Variants in CHMP3 observed in about 807,000 individuals in gnomAD.
CHMP3 encodes the protein charged multivesicular body protein 3, also known as 25.1 protein.
A neutral mutation model predicts 27.4 loss-of-function variants in CHMP3; 8 were observed. That is an observed-to-expected ratio of 0.29 (90% CI 0.17 to 0.53). CHMP3 has a LOEUF of 0.53. CHMP3 is among the 20% of genes least tolerant of loss of function. The pLI is 0.96. For synonymous variants in CHMP3, 86 were observed against 85.5 expected, an observed-to-expected ratio of 1.01 and a Z score of -0.03; for missense variants, 208 against 271.5, an observed-to-expected ratio of 0.77 and a Z score of 1.64.
chr2:86,549,045 G>A (rs577881705), intron 1 of CHMP3, among the ~76,000 whole-genome samples: 39 of 150,084 alleles, frequency 2.6e-4, no homozygotes, highest in African/African-American at 8.1e-4. Flanking sequence ...AAGGGCAGCC[G>A]GGCAGAGGCG....
chr2:86,508,963 G>A (rs918978655), intron 4 of CHMP3, among the ~76,000 whole-genome samples: 12 of 152,292 alleles, frequency 7.9e-5, no homozygotes, highest in African/African-American at 2.9e-4. Flanking sequence ...CACTCTGGAG[G>A]TAGAAGTTGT....
intron 3 of CHMP3, among the ~76,000 whole-genome samples, chr2:86,528,858 T>C (rs1484685007): frequency 6.6e-6 from 1 of 152,168 alleles, no homozygotes; most frequent in African/African-American, 2.4e-5. Context: ...TGTAACATTT[T>C]GCCTGGGGCT....
intron 2 of CHMP3, 50 bp from the exon 3 acceptor site, chr2:86,529,447 G>A: frequency 2.0e-6 from 3 of 1,489,052 alleles, no homozygotes; most frequent in East Asian, 2.4e-5. Flanking sequence ...AGGTTTATTG[G>A]CACTCAAATA....
At chr2:86,536,328 T>G (rs1676140928) in intron 2 of CHMP3, among the ~76,000 whole-genome samples, 1 of 152,230 alleles carries the variant, frequency 6.6e-6, no homozygotes, top group Admixed American at 6.5e-5. Flanking sequence ...TGAATCTACC[T>G]TTAATGGAGA....
chr2:86,542,425 C>A (rs1676403374), intron 1 of CHMP3, 113 bp from the exon 2 acceptor site: 6 of 1,091,056 alleles, frequency 5.5e-6, no homozygotes, highest in African/African-American at 1.6e-5. Context: ...ATTTAAAAAG[C>A]CATTTTCAAA....
At chr2:86,550,640 T>A (rs79538304) in intron 1 of CHMP3, among the ~76,000 whole-genome samples, 5,989 of 152,324 alleles carry the variant, frequency 0.039, 171 homozygotes, top group African/African-American at 0.078. Flanking sequence ...AGGCATTTAC[T>A]TATTTTTTAA....
At chr2:86,548,011 G>A (rs1161647038) in intron 1 of CHMP3, among the ~76,000 whole-genome samples, 1 of 152,134 alleles carries the variant, frequency 6.6e-6, no homozygotes, top group African/African-American at 2.4e-5. Context: ...GAACAATGCT[G>A]AGAGACAGCT....
chr2:86,526,676 C>CTA (rs1166027396), intron 3 of CHMP3, among the ~76,000 whole-genome samples: 108 of 150,868 alleles, frequency 7.2e-4, no homozygotes, highest in Middle Eastern at 3.4e-3. Context: ...CTCTCTCTCT[C>CTA]TCTCTCTATA....
At chr2:86,530,538 G>A (rs1039996966) in intron 2 of CHMP3, among the ~76,000 whole-genome samples, 4 of 152,116 alleles carry the variant, frequency 2.6e-5, no homozygotes, top group Non-Finnish European at 2.9e-5. Flanking sequence ...TCTTTTTAAA[G>A]CTCAATAATA....
At chr2:86,520,426 G>A (rs748781435) in intron 3 of CHMP3, among the ~76,000 whole-genome samples, 4 of 152,054 alleles carry the variant, frequency 2.6e-5, no homozygotes, top group Non-Finnish European at 5.9e-5. Context: ...CAAACAACCA[G>A]ATCATGAGAA....
At position 86,505,532 on chromosome 2, in the gene CHMP3, A is replaced by G. The variant is rs537844060; in HGVS notation, c.*272T>C. ...GTCTTCGACATTCAGGCAATCACCT[A>G]TATTTTCAGAAGTGCTTCATGAGCA... On this transcript the variant is annotated 3_prime_UTR_variant, in exon 6 of 6. Transcript: ENST00000263856. 5.1e-4 allele frequency: 174 copies of G among 338,298 alleles called. 1 individual carries two copies. Among genetic ancestry groups the G allele is most frequent in the South Asian group, 2.2e-3 (15 of 6,862 alleles). The allele number at this position is 338,298 out of a possible 1,614,324, so 21.0% of individuals were successfully genotyped here.
At chr2:86,563,245 C>T in intron 1 of CHMP3, 59 bp downstream of exon 1, 1 of 1,590,326 alleles carries the variant, frequency 6.3e-7, no homozygotes, top group Admixed American at 1.7e-5. Flanking sequence ...TGTCATTTAC[C>T]AACTTCACTA....
chr2:86,516,083 G>A (rs1370599173), intron 3 of CHMP3, among the ~76,000 whole-genome samples: 1 of 143,024 alleles, frequency 7.0e-6, no homozygotes, highest in Non-Finnish European at 1.5e-5. Flanking sequence ...GGGAGGCGGA[G>A]ACTGCAGTGA....
chr2:86,505,095 G>A lies in CHMP3; in HGVS notation c.*709C>T. 6.6e-6 allele frequency: 1 copy of A among 152,566 alleles called. No individual in the cohort carries two copies. 9.5% of individuals were successfully genotyped at this position (152,566 alleles called of 1,614,324 possible). A position where few individuals can be genotyped will look rare whatever the true frequency, so the allele number is the denominator to read the frequency against. ...CAGGGACAGGCAATGAGAGGTGAAA[G>A]AGACCTAGTACTACAGCTGTCTCAT... is the stretch of plus-strand genomic sequence containing the variant. On this transcript the variant is annotated 3_prime_UTR_variant, in exon 6 of 6. Coordinates refer to ENST00000263856, the MANE Select transcript of CHMP3 (RefSeq NM_016079.4).
At chr2:86,563,050 C>T in intron 1 of CHMP3, 1 of 433,990 alleles carries the variant, frequency 2.3e-6, no homozygotes, top group East Asian at 3.6e-5. Context: ...TGCCTACGCG[C>T]TCAGTGGCGA....
chr2:86,528,459 T>C (rs1345246938), intron 3 of CHMP3, among the ~76,000 whole-genome samples: 1 of 152,192 alleles, frequency 6.6e-6, no homozygotes, highest in Non-Finnish European at 1.5e-5. Flanking sequence ...TTGCTCAGCC[T>C]CCTGAGCAGC....
intron 1 of CHMP3, chr2:86,562,305 G>C (rs896399736): frequency 6.6e-6 from 1 of 152,008 alleles, no homozygotes; most frequent in African/African-American, 2.4e-5. Context: ...GACAAGCCTA[G>C]GTGTTGCAGA....
At chr2:86,506,542 T>C (rs1674894334) in intron 5 of CHMP3, among the ~76,000 whole-genome samples, 1 of 152,136 alleles carries the variant, frequency 6.6e-6, no homozygotes, top group Admixed American at 6.5e-5. Context: ...AGTATATTTC[T>C]ATACCATCTA....
chr2:86,516,158 A>AG (rs1044689077), intron 3 of CHMP3, among the ~76,000 whole-genome samples: 2 of 151,242 alleles, frequency 1.3e-5, no homozygotes, highest in South Asian at 2.1e-4. Flanking sequence ...AAAAAAAAAA[A>AG]AAAAAAGAAA....
Sources: gnomAD v4.1 joint callset for allele counts (sites outside exome capture counted in the v4.1 genomes callset) on GRCh38, gnomAD v4.1.1 for gene constraint, MANE v1.5 for transcripts, NCBI Gene and HGNC (gene_info 2026-07-23, HGNC 2026-07-21) for gene names.